Variants in CRPPA observed in about 807,000 individuals in gnomAD.
CRPPA encodes D-ribitol-5-phosphate cytidylyltransferase.
Under a neutral mutation model 52.0 loss-of-function variants are expected in CRPPA, and 43 were observed. The observed-to-expected ratio is 0.83, with a 90% CI of 0.65 to 1.07. CRPPA has a LOEUF of 1.07. CRPPA is among the 50% of genes least tolerant of loss of function. The pLI, the probability that CRPPA is intolerant of heterozygous loss-of-function variation, is 0.00. For missense variants in CRPPA, 629 were observed against 551.7 expected, an observed-to-expected ratio of 1.14 and a Z score of -1.40; for synonymous variants, 250 against 203.5, an observed-to-expected ratio of 1.23 and a Z score of -1.94.
At chr7:16,312,963 T>C (rs943062802) in intron 3 of CRPPA, among the ~76,000 whole-genome samples, 1 of 151,930 alleles carries the variant, frequency 6.6e-6, no homozygotes, top group African/African-American at 2.4e-5. Flanking sequence ...ATTGTTGAAT[T>C]CAGCTTGGTG....
intron 9 of CRPPA, among the ~76,000 whole-genome samples, chr7:16,179,957 A>C (rs1781377970): frequency 6.6e-6 from 1 of 152,142 alleles, no homozygotes; most frequent in African/African-American, 2.4e-5. Flanking sequence ...TAATGAAGAA[A>C]TCTGTTTTCT....
chr7:16,183,320 A>G (rs1358999314), intron 9 of CRPPA, among the ~76,000 whole-genome samples: 3 of 152,166 alleles, frequency 2.0e-5, no homozygotes, highest in African/African-American at 7.2e-5. Flanking sequence ...GCATAGCCCA[A>G]GTTTCTGCTT....
At chr7:16,181,031 A>C (rs1429522651) in intron 9 of CRPPA, among the ~76,000 whole-genome samples, 1 of 152,002 alleles carries the variant, frequency 6.6e-6, no homozygotes, top group African/African-American at 2.4e-5. Context: ...TTTTAGGTAC[A>C]ATGTTTGTAA....
intron 2 of CRPPA, among the ~76,000 whole-genome samples, chr7:16,385,683 C>T (rs1787244973): frequency 6.6e-6 from 1 of 152,104 alleles, no homozygotes; most frequent in Non-Finnish European, 1.5e-5. Flanking sequence ...CAAAGTGTAC[C>T]AGTAAAGATA....
Position 16,397,682 on chromosome 7 carries a change from C to G in CRPPA, c.534+8379G>C, listed in dbSNP as rs545066251. On this transcript the variant is annotated intron_variant, in intron 2 of 9. Transcript: ENST00000407010. ...GTGACTAAGACGTCACCGACAAACA[C>G]GTGACTGACACGTGATACATGATTG... is the stretch of plus-strand genomic sequence containing the variant. Among the ~76,000 whole-genome samples, 18 of 152,248 alleles carry G rather than the reference C, an allele frequency of 1.2e-4. No homozygotes were observed. The East Asian group carries it at 3.5e-3, about 30-fold the overall frequency.
At chr7:16,213,429 C>A (rs1035574303) in intron 9 of CRPPA, among the ~76,000 whole-genome samples, 1 of 151,912 alleles carries the variant, frequency 6.6e-6, no homozygotes, top group Non-Finnish European at 1.5e-5. Flanking sequence ...TAATTCTCAA[C>A]AATCTTTTAC....
chr7:16,374,794 A>T (rs1232093583), intron 3 of CRPPA, among the ~76,000 whole-genome samples: 1 of 152,078 alleles, frequency 6.6e-6, no homozygotes, highest in Non-Finnish European at 1.5e-5. Flanking sequence ...TCAGCATAAC[A>T]GTGTGCTGTT....
At chr7:16,224,618 A>G (rs1053074670) in intron 8 of CRPPA, among the ~76,000 whole-genome samples, 1 of 152,166 alleles carries the variant, frequency 6.6e-6, no homozygotes, top group Non-Finnish European at 1.5e-5. Flanking sequence ...TCTACATAAT[A>G]GCTGCAAAAT....
chr7:16,316,205 A>G (rs1453957925), intron 3 of CRPPA, among the ~76,000 whole-genome samples: 2 of 152,120 alleles, frequency 1.3e-5, no homozygotes, highest in Non-Finnish European at 2.9e-5. Flanking sequence ...ATAGCTGTGC[A>G]GGTGGCAGAA....
At chr7:16,379,841 T>C (rs929631578) in intron 2 of CRPPA, among the ~76,000 whole-genome samples, 2 of 152,236 alleles carry the variant, frequency 1.3e-5, no homozygotes, top group African/African-American at 4.8e-5. Context: ...ATTGATTTTA[T>C]ATCCCGAGAC....
chr7:16,322,376 A>G (rs768359500), intron 3 of CRPPA, among the ~76,000 whole-genome samples: 1 of 152,182 alleles, frequency 6.6e-6, no homozygotes, highest in African/African-American at 2.4e-5. Context: ...TTTAAGGTGA[A>G]TATGTTAAGG....
At chr7:16,216,407 C>T (rs1008276292) in intron 8 of CRPPA, 29 of 360,660 alleles carry the variant, frequency 8.0e-5, no homozygotes, top group Middle Eastern at 7.7e-4. Context: ...TCAGAGAAAA[C>T]GAGGTTGAAA....
At chr7:16,194,388 A>G (rs1781683393) in intron 9 of CRPPA, among the ~76,000 whole-genome samples, 1 of 152,054 alleles carries the variant, frequency 6.6e-6, no homozygotes, top group Non-Finnish European at 1.5e-5. Context: ...GTTACCACTT[A>G]TGTTCCAAGT....
At chr7:16,271,353 C>A (rs777930133) in intron 6 of CRPPA, among the ~76,000 whole-genome samples, 25 of 152,094 alleles carry the variant, frequency 1.6e-4, no homozygotes, top group Non-Finnish European at 5.9e-5. Flanking sequence ...GGAGCAGCCA[C>A]CATAATCTTC....
rs1491461185 is a variant in CRPPA, at chr7:16,342,798, T to TATAGATATATAGATATA, written c.684+33293_684+33294insTATATCTATATATCTAT. Among the ~76,000 whole-genome samples the TATAGATATATAGATATA allele has an allele frequency of 1.3e-4, 13 of 101,218 alleles. 2 individuals carry two copies. The highest frequency in any genetic ancestry group is 6.0e-4 in the Admixed American group (5 of 8,304). The allele number at this position is 101,218 out of a possible 152,430, so 66.4% of individuals were successfully genotyped here. On this transcript the variant is annotated intron_variant, in intron 3 of 9. Transcript: ENST00000407010. ...AAAAAAAAAAATATATATATATATATCTATATAGATATATAGATATACATA... is the reference window on the plus strand; with the variant it reads ...AAAAAAAAAAATATATATATATATATATAGATATATAGATATACTATATAGATATATAGATATACATA...
chr7:16,350,608 A>C (rs1325429122), intron 3 of CRPPA, among the ~76,000 whole-genome samples: 1 of 152,152 alleles, frequency 6.6e-6, no homozygotes, highest in Non-Finnish European at 1.5e-5. Flanking sequence ...TATCATAGAT[A>C]TACAAATGAT....
At chr7:16,160,006 C>T (rs889805850) in intron 9 of CRPPA, among the ~76,000 whole-genome samples, 1 of 152,088 alleles carries the variant, frequency 6.6e-6, no homozygotes, top group Non-Finnish European at 1.5e-5. Flanking sequence ...ATATCCTTTG[C>T]CCACTTTTTG....
intron 3 of CRPPA, among the ~76,000 whole-genome samples, chr7:16,335,275 C>G (rs989127081): frequency 2.0e-5 from 3 of 151,728 alleles, no homozygotes; most frequent in African/African-American, 7.3e-5. Flanking sequence ...GTAACTTGAC[C>G]GTGGGAGGTC....
intron 9 of CRPPA, among the ~76,000 whole-genome samples, chr7:16,145,311 C>T (rs1424127565): frequency 6.6e-6 from 1 of 152,174 alleles, no homozygotes; most frequent in South Asian, 2.1e-4. Context: ...CCCACTCCAT[C>T]TCACCCAAGT....
Sources: allele counts gnomAD v4.1 joint callset (sites outside exome capture counted in the v4.1 genomes callset), GRCh38; gene constraint gnomAD v4.1.1; transcripts MANE v1.5; gene names NCBI Gene and HGNC (gene_info 2026-07-23, HGNC 2026-07-21).